The following KIAA0825 variants were observed in gnomAD, a reference collection of about 807,000 sequenced individuals.
KIAA0825 encodes KIAA0825.
Under a neutral mutation model 147.6 loss-of-function variants are expected in KIAA0825, and 119 were observed. That is an observed-to-expected ratio of 0.81 (90% CI 0.69 to 0.94). KIAA0825 has a LOEUF of 0.94. Ranked by LOEUF, KIAA0825 falls within the 40% of genes least tolerant of loss-of-function variation. KIAA0825 has a pLI of 0.00. For missense variants in KIAA0825, 1,381 were observed against 1,472.7 expected, an observed-to-expected ratio of 0.94 and a Z score of 1.02; for synonymous variants, 470 against 518.1, an observed-to-expected ratio of 0.91 and a Z score of 1.26.
chr5:94,600,111 T>C (rs1786102489), intron 1 of KIAA0825, among the ~76,000 whole-genome samples: 1 of 151,930 alleles, frequency 6.6e-6, no homozygotes, highest in South Asian at 2.1e-4. Context: ...TGAGACCACA[T>C]GAGATATCAG....
intron 20 of KIAA0825, among the ~76,000 whole-genome samples, chr5:94,274,248 A>T (rs1310309645): frequency 6.6e-6 from 1 of 152,126 alleles, no homozygotes; most frequent in Non-Finnish European, 1.5e-5. Context: ...CTGGTTATTA[A>T]TATGAGATGG....
intron 20 of KIAA0825, among the ~76,000 whole-genome samples, chr5:94,178,658 G>T (rs1258283009): frequency 2.0e-5 from 3 of 151,860 alleles, no homozygotes; most frequent in Non-Finnish European, 4.4e-5. Context: ...ATTTAAGAGG[G>T]CATAAAATTC....
intron 20 of KIAA0825, among the ~76,000 whole-genome samples, chr5:94,281,024 C>A (rs1023164116): frequency 9.2e-5 from 14 of 151,990 alleles, no homozygotes; most frequent in African/African-American, 3.4e-4. Flanking sequence ...TAGAGAGAAG[C>A]CAATCATAAA....
chr5:94,385,709 A>T (rs1052855409), intron 19 of KIAA0825, among the ~76,000 whole-genome samples: 1 of 152,220 alleles, frequency 6.6e-6, no homozygotes, highest in African/African-American at 2.4e-5. Context: ...CATTGACTTT[A>T]TTCCAAATAG....
chr5:94,233,399 G>A (rs915690820), intron 20 of KIAA0825, among the ~76,000 whole-genome samples: 2 of 152,146 alleles, frequency 1.3e-5, no homozygotes, highest in African/African-American at 4.8e-5. Flanking sequence ...AAAGGAGTAG[G>A]TCATTCCTAT....
intron 1 of KIAA0825, chr5:94,593,583 A>G: frequency 1.8e-6 from 1 of 545,680 alleles, no homozygotes; most frequent in Non-Finnish European, 3.4e-6. Context: ...AACAACTTAA[A>G]TCAACTATGT....
At position 94,224,340 on chromosome 5, in the gene KIAA0825, C is replaced by A. The variant is rs138689572; in HGVS notation, c.3711-70216G>T. On this transcript the variant is annotated intron_variant, in intron 20 of 20. Transcript: ENST00000682413. ...CGAACTCCTGACCTCAGGTGATCAG[C>A]CCATCTCGGCCTCCCAAAGTGCTGG... is the stretch of plus-strand genomic sequence containing the variant. Among the ~76,000 whole-genome samples the A allele has an allele frequency of 4.7e-3, 720 of 152,012 alleles. 2 individuals are homozygous for A. Among genetic ancestry groups the A allele is most frequent in the Non-Finnish European group, 7.5e-3 (510 of 67,988 alleles).
chr5:94,616,655 A>C lies in KIAA0825; in HGVS notation c.-153+1845T>G, dbSNP rs578155616. On this transcript the variant is annotated intron_variant, in intron 1 of 20. Transcript: ENST00000682413. ...ACCAATATGCTTGCTGATGGTCTCCAGATCTTCTGCATTTGCCCCAAGTGT... is the reference window on the plus strand; with the variant it reads ...ACCAATATGCTTGCTGATGGTCTCCCGATCTTCTGCATTTGCCCCAAGTGT... 2.0e-5 allele frequency among the ~76,000 whole-genome samples: 3 copies of C among 152,332 alleles called. No individual in the cohort carries two copies. The South Asian group carries it at 6.2e-4, about 32-fold the overall frequency.
At chr5:94,492,982 T>C (rs1562554974) in intron 5 of KIAA0825, among the ~76,000 whole-genome samples, 2 of 152,224 alleles carry the variant, frequency 1.3e-5, no homozygotes, top group Non-Finnish European at 2.9e-5. Flanking sequence ...TGTATGTGCA[T>C]GTGATCATCA....
intron 20 of KIAA0825, among the ~76,000 whole-genome samples, chr5:94,269,689 A>C (rs1776896583): frequency 6.6e-6 from 1 of 152,130 alleles, no homozygotes; most frequent in South Asian, 2.1e-4. Flanking sequence ...GTTTATAGCA[A>C]TAAGCAGCTA....
chr5:94,613,115 C>T (rs1462223926), intron 1 of KIAA0825, among the ~76,000 whole-genome samples: 1 of 152,106 alleles, frequency 6.6e-6, no homozygotes, highest in Non-Finnish European at 1.5e-5. Context: ...GACATTGTCT[C>T]GTTTTGAACT....
At chr5:94,316,080 G>A (rs963227924) in intron 20 of KIAA0825, among the ~76,000 whole-genome samples, 6 of 151,636 alleles carry the variant, frequency 4.0e-5, no homozygotes, top group Admixed American at 3.3e-4. Flanking sequence ...AATGAACAAC[G>A]AGGTTAAATT....
rs1476731960 is a variant in KIAA0825, at chr5:94,484,894, G to C, written c.1007C>G (p.Ser336Cys). The C allele has an allele frequency of 3.3e-6, 5 of 1,526,122 alleles. No individual in the cohort carries two copies. The highest frequency in any genetic ancestry group is 4.0e-5 in the Admixed American group (2 of 49,966). 94.5% of individuals were successfully genotyped at this position (1,526,122 alleles called of 1,614,324 possible). A position where few individuals can be genotyped will look rare whatever the true frequency, so the allele number is the denominator to read the frequency against. ...GAATTCGACTTTGTCTAAAGGGAGA[G>C]AGAAGTTTCTTCCTTTCTGTGGGCA... is the stretch of plus-strand genomic sequence containing the variant. ...TECPQKGRNFSLPLDKVEFLS... is the reference protein window; with the variant it reads ...TECPQKGRNFCLPLDKVEFLS... The change falls in exon 6 of 21, where the codon TCT becomes TGT. Residue 336 changes from serine (S) to cysteine (C), a missense_variant. Transcript: ENST00000682413.
intron 20 of KIAA0825, among the ~76,000 whole-genome samples, chr5:94,235,323 TAC>T (rs1774979905): frequency 6.6e-6 from 1 of 152,232 alleles, no homozygotes; most frequent in African/African-American, 2.4e-5. Flanking sequence ...GAAAAGGTTT[TAC>T]AGTCAGGTAG....
chr5:94,558,408 G>GT (rs946101010), intron 2 of KIAA0825, among the ~76,000 whole-genome samples: 1 of 152,174 alleles, frequency 6.6e-6, no homozygotes, highest in African/African-American at 2.4e-5. Context: ...GTGTATGAAT[G>GT]TTTTTTGGCT....
intron 20 of KIAA0825, among the ~76,000 whole-genome samples, chr5:94,342,637 T>C (rs1782537226): frequency 6.6e-6 from 1 of 152,142 alleles, no homozygotes; most frequent in African/African-American, 2.4e-5. Context: ...TGTCCAAAAG[T>C]TTACCCTGAT....
At chr5:94,221,326 C>T (rs895613824) in intron 20 of KIAA0825, among the ~76,000 whole-genome samples, 2 of 152,132 alleles carry the variant, frequency 1.3e-5, no homozygotes, top group South Asian at 2.1e-4. Flanking sequence ...TTTATAGACT[C>T]GAAGTAAATG....
At chr5:94,466,154 A>G (rs1271634314) in intron 10 of KIAA0825, among the ~76,000 whole-genome samples, 4 of 152,058 alleles carry the variant, frequency 2.6e-5, no homozygotes, top group Admixed American at 6.6e-5. Flanking sequence ...CTGTTCTCTT[A>G]TACCAAAAGT....
rs1376012753 is a variant in KIAA0825, at chr5:94,355,798, T to G, written c.3710+28570A>C. Reference sequence around the variant, plus strand: ...TTTAATACTATTGTCAAGTTGGTGTTCATTGTATTTGATATTGCTTATTTA... The same window carrying G: ...TTTAATACTATTGTCAAGTTGGTGTGCATTGTATTTGATATTGCTTATTTA... On this transcript the variant is annotated intron_variant, in intron 20 of 20. Transcript: ENST00000682413. Among the ~76,000 whole-genome samples the G allele has an allele frequency of 2.0e-5, 3 of 152,338 alleles. No homozygotes were observed. The East Asian group carries it at 5.8e-4, about 29-fold the overall frequency.
Sources: allele counts gnomAD v4.1 joint callset (sites outside exome capture counted in the v4.1 genomes callset), GRCh38; gene constraint gnomAD v4.1.1; transcripts MANE v1.5; gene names NCBI Gene and HGNC (gene_info 2026-07-23, HGNC 2026-07-21).